The following KATNAL2 variants were observed in gnomAD, a reference collection of about 807,000 sequenced individuals.
KATNAL2 encodes the protein katanin p60 ATPase-containing subunit A-like 2.
In KATNAL2, 52 loss-of-function variants were observed where a neutral mutation model predicts 76.3. That is an observed-to-expected ratio of 0.68 (90% CI 0.55 to 0.86). The LOEUF (loss-of-function observed/expected upper bound fraction) is 0.86, where lower values mean the gene tolerates loss of function less well. KATNAL2 is among the 40% of genes least tolerant of loss of function. The probability of loss-of-function intolerance (pLI) is 0.00; values close to 1 mark genes in which losing one functional copy is unlikely to be tolerated. For missense variants in KATNAL2, 660 were observed against 668.9 expected, an observed-to-expected ratio of 0.99 and a Z score of 0.15; for synonymous variants, 243 against 244.2, an observed-to-expected ratio of 1.00 and a Z score of 0.05.
chr18:46,946,450 GGGA>G lies in KATNAL2; in HGVS notation c.-111_-109del, dbSNP rs1201704477. 7.1e-6 allele frequency: 7 copies of G among 985,364 alleles called. No homozygotes were observed. The highest frequency in any genetic ancestry group is 8.4e-6 in the Non-Finnish European group (7 of 829,950). The allele number at this position is 985,364 out of a possible 1,614,324, so 61.0% of individuals were successfully genotyped here. A position where few individuals can be genotyped will look rare whatever the true frequency, so the allele number is the denominator to read the frequency against. On this transcript the variant is annotated 5_prime_UTR_variant, in exon 2 of 18. Transcript: ENST00000683218. ...ATTTCCAAACCTTTACCCTAATCCA[GGGA>G]GGAGAAGACGGGACGTCAAAATATA...
intron 1 of KATNAL2, among the ~76,000 whole-genome samples, chr18:46,943,607 G>A (rs2059307666): frequency 2.0e-5 from 3 of 152,200 alleles, no homozygotes; most frequent in Non-Finnish European, 4.4e-5. Flanking sequence ...CCCCTGTTTA[G>A]CATATCATCA....
At chr18:47,032,895 A>G in intron 3 of KATNAL2, 1 of 1,591,780 alleles carries the variant, frequency 6.3e-7, no homozygotes, top group Admixed American at 1.7e-5. Flanking sequence ...TCAACTTTGC[A>G]CCAAGTTAAA....
At chr18:46,945,658 G>A (rs2059365649) in intron 1 of KATNAL2, among the ~76,000 whole-genome samples, 1 of 152,122 alleles carries the variant, frequency 6.6e-6, no homozygotes, top group African/African-American at 2.4e-5. Context: ...GGCTTTTTGG[G>A]CCTGTTTGCA....
At chr18:47,071,919 A>T (rs1179391506) in intron 13 of KATNAL2, among the ~76,000 whole-genome samples, 2 of 149,298 alleles carry the variant, frequency 1.3e-5, no homozygotes, top group African/African-American at 4.9e-5. Flanking sequence ...AAAAAAAAAA[A>T]AGAGTGAGGA....
intron 8 of KATNAL2, among the ~76,000 whole-genome samples, chr18:47,060,189 G>T (rs1434237632): frequency 6.6e-6 from 1 of 152,050 alleles, no homozygotes; most frequent in Non-Finnish European, 1.5e-5. Flanking sequence ...TAGAGATGGG[G>T]TCTCACTATG....
At chr18:47,032,673 A>AT in intron 3 of KATNAL2, 2 of 390,240 alleles carry the variant, frequency 5.1e-6, no homozygotes, top group Non-Finnish European at 9.1e-6. Context: ...GAAAAAAAAA[A>AT]GAAAGGAAAA....
chr18:46,936,292 A>G (rs2059088859), intron 1 of KATNAL2, among the ~76,000 whole-genome samples: 1 of 152,244 alleles, frequency 6.6e-6, no homozygotes, highest in African/African-American at 2.4e-5. Context: ...GTAAAAGTTT[A>G]ACATACTCTG....
chr18:46,920,033 A>G (rs1318658066), intron 1 of KATNAL2: 1 of 1,286,578 alleles, frequency 7.8e-7, no homozygotes, highest in Non-Finnish European at 1.0e-6. Context: ...GTAAGAAAAG[A>G]AAAGCAAAGC....
At chr18:47,096,135 G>GAC (rs1308438467) in intron 15 of KATNAL2, among the ~76,000 whole-genome samples, 1 of 151,878 alleles carries the variant, frequency 6.6e-6, no homozygotes, top group East Asian at 1.9e-4. Flanking sequence ...GAGAGGAAAA[G>GAC]ACACACTCCT....
chr18:47,100,197 G>C (rs767330956), intron 16 of KATNAL2, 57 bp from the exon 17 acceptor site: 1 of 1,259,550 alleles, frequency 7.9e-7, no homozygotes, highest in Non-Finnish European at 1.2e-6. Context: ...CTATAACAAC[G>C]TAATGGCCAG....
intron 3 of KATNAL2, among the ~76,000 whole-genome samples, chr18:46,952,393 G>GCTTT (rs2059584955): frequency 6.2e-5 from 4 of 64,408 alleles, no homozygotes; most frequent in Non-Finnish European, 8.0e-5. Flanking sequence ...CTGCAGGTAT[G>GCTTT]TTTTTTTTTT....
chr18:47,077,268 C>T (rs1484663008), intron 14 of KATNAL2, 83 bp from the exon 15 acceptor site: 1 of 1,036,472 alleles, frequency 9.6e-7, no homozygotes, highest in Non-Finnish European at 1.5e-6. Context: ...TCTACAGTCA[C>T]AGGGACATTG....
chr18:47,065,761 A>C (rs769298518), intron 10 of KATNAL2, among the ~76,000 whole-genome samples: 6 of 151,990 alleles, frequency 3.9e-5, no homozygotes, highest in Non-Finnish European at 7.4e-5. Flanking sequence ...AGGCAGAAGG[A>C]TCACTTGTGT....
intron 1 of KATNAL2, among the ~76,000 whole-genome samples, chr18:46,923,663 A>G (rs1225431327): frequency 6.6e-6 from 1 of 152,166 alleles, no homozygotes; most frequent in African/African-American, 2.4e-5. Context: ...GACTTCCACA[A>G]TGGTTGAACT....
intron 15 of KATNAL2, among the ~76,000 whole-genome samples, chr18:47,085,276 CAGTT>C (rs1339032327): frequency 2.6e-5 from 4 of 152,154 alleles, no homozygotes; most frequent in Admixed American, 6.5e-5. Context: ...AATTATATAA[CAGTT>C]AGAAGATTAT....
At chr18:46,938,099 TA>T (rs1027753635) in intron 1 of KATNAL2, among the ~76,000 whole-genome samples, 1 of 149,876 alleles carries the variant, frequency 6.7e-6, no homozygotes, top group African/African-American at 2.5e-5. Context: ...CTCAAAAAAT[TA>T]AAAAAAAATG....
intron 16 of KATNAL2, among the ~76,000 whole-genome samples, chr18:47,099,855 G>A (rs1414867478): frequency 6.6e-6 from 1 of 152,116 alleles, no homozygotes; most frequent in South Asian, 2.1e-4. Flanking sequence ...AATGTTGCCT[G>A]CTTTTGGTGA....
chr18:47,094,825 AG>A (rs2063158284), intron 15 of KATNAL2, among the ~76,000 whole-genome samples: 1 of 152,178 alleles, frequency 6.6e-6, no homozygotes, highest in Non-Finnish European at 1.5e-5. Context: ...GGTGTTTCCC[AG>A]CCTGGAGACC....
At chr18:47,082,730 G>A (rs562080562) in intron 15 of KATNAL2, among the ~76,000 whole-genome samples, 17 of 152,232 alleles carry the variant, frequency 1.1e-4, no homozygotes, top group African/African-American at 3.6e-4. Flanking sequence ...TAAAAAGAAT[G>A]CTGCCGTGAG....
Sources: gnomAD v4.1 joint callset for allele counts (sites outside exome capture counted in the v4.1 genomes callset) on GRCh38, gnomAD v4.1.1 for gene constraint, MANE v1.5 for transcripts, NCBI Gene and HGNC (gene_info 2026-07-23, HGNC 2026-07-21) for gene names.